Variants in CCDC171 observed in about 807,000 individuals in gnomAD.
CCDC171 encodes the protein coiled-coil domain-containing protein 171.
CCDC171 carries 177 observed loss-of-function variants against 168.2 expected under a neutral mutation model. The observed-to-expected ratio is 1.05, with a 90% CI of 0.93 to 1.19. The LOEUF (loss-of-function observed/expected upper bound fraction) is 1.19. Ranked by LOEUF, CCDC171 falls within the 50% of genes most tolerant of loss-of-function variation. CCDC171 has a pLI of 0.00. For missense variants in CCDC171, 1,991 were observed against 1,539.0 expected, an observed-to-expected ratio of 1.29 and a Z score of -4.91; for synonymous variants, 687 against 540.8, an observed-to-expected ratio of 1.27 and a Z score of -3.75.
At chr9:16,090,702 T>G in the CCDC171 span, among the ~76,000 whole-genome samples, 1 of 152,340 alleles carries the variant, frequency 6.6e-6, no homozygotes, top group Non-Finnish European at 1.5e-5. Flanking sequence ...TAAAAATTAG[T>G]CATTCCAGTT....
intron 6 of CCDC171, among the ~76,000 whole-genome samples, chr9:16,026,674 G>T (rs2133033963): frequency 6.6e-6 from 1 of 152,312 alleles, no homozygotes; most frequent in South Asian, 2.1e-4. Context: ...TCCAGAGGCA[G>T]GAGATTAGAC....
chr9:15,954,751 A>G (rs1829611350), intron 25 of CCDC171, among the ~76,000 whole-genome samples: 1 of 151,074 alleles, frequency 6.6e-6, no homozygotes, highest in African/African-American at 2.4e-5. Flanking sequence ...TCAGCTCCAG[A>G]ATTTCTTTTT....
At position 15,823,886 on chromosome 9, in the gene CCDC171, C is replaced by G. The variant is rs1308546563; in HGVS notation, c.3268-22816C>G. On this transcript the variant is annotated intron_variant, in intron 21 of 25. Transcript: ENST00000380701. ...CATGACAGAGAAAAAAATTATTTGT[C>G]TTTTAACAAAATCATTTTTAGGTAA... Among the ~76,000 whole-genome samples the G allele has an allele frequency of 3.3e-5, 5 of 151,992 alleles. No individual in the cohort carries two copies. The East Asian group carries it at 5.8e-4, about 18-fold the overall frequency.
At chr9:15,649,835 G>A (rs1468035827) in intron 7 of CCDC171, among the ~76,000 whole-genome samples, 1 of 152,256 alleles carries the variant, frequency 6.6e-6, no homozygotes, top group Non-Finnish European at 1.5e-5. Flanking sequence ...GTGGAAGACA[G>A]TGTGGCAATT....
intron 21 of CCDC171, among the ~76,000 whole-genome samples, chr9:15,809,146 T>G (rs1193605042): frequency 6.6e-6 from 1 of 152,178 alleles, no homozygotes; most frequent in African/African-American, 2.4e-5. Flanking sequence ...TTTGGGAACA[T>G]AAAACATTCA....
At chr9:15,631,382 TAGTATAAACACCTCTAC>T (rs1176320142) in intron 7 of CCDC171, among the ~76,000 whole-genome samples, 1 of 152,138 alleles carries the variant, frequency 6.6e-6, no homozygotes. Flanking sequence ...CATCAGAGAA[TAGTATAAACACCTCTAC>T]GCAAATAAAC....
intron 21 of CCDC171, among the ~76,000 whole-genome samples, chr9:15,821,617 A>T (rs1296277754): frequency 8.6e-6 from 1 of 116,950 alleles, no homozygotes; most frequent in East Asian, 2.1e-4. Flanking sequence ...CTAGGAATCC[A>T]ACTTACAAGG....
intron 6 of CCDC171, among the ~76,000 whole-genome samples, chr9:15,604,959 C>A (rs1476234505): frequency 6.6e-6 from 1 of 151,736 alleles, no homozygotes; most frequent in African/African-American, 2.4e-5. Context: ...ACTCTGTTGC[C>A]CATGTTGGAG....
intron 18 of CCDC171, among the ~76,000 whole-genome samples, chr9:15,759,365 A>G (rs2056321201): frequency 6.6e-6 from 1 of 152,096 alleles, no homozygotes; most frequent in South Asian, 2.1e-4. Flanking sequence ...TTTAGTGTGT[A>G]TTTCACAGTT....
At chr9:16,017,559 T>A (rs1024207894) in intron 3 of CCDC171, among the ~76,000 whole-genome samples, 1 of 152,178 alleles carries the variant, frequency 6.6e-6, no homozygotes, top group Non-Finnish European at 1.5e-5. Context: ...CTTTCAAAGT[T>A]CTTAATTCTT....
intron 24 of CCDC171, among the ~76,000 whole-genome samples, chr9:15,917,736 G>C (rs3008685): frequency 6.6e-6 from 1 of 151,382 alleles, no homozygotes; most frequent in Non-Finnish European, 1.5e-5. Flanking sequence ...TTTAAAATGT[G>C]GAACTTTTAA....
the CCDC171 span, among the ~76,000 whole-genome samples, chr9:16,075,820 G>A: frequency 6.6e-6 from 1 of 152,154 alleles, no homozygotes; most frequent in Admixed American, 6.5e-5. Flanking sequence ...TCAATTTAGT[G>A]AGTCAGCCAG....
At chr9:15,953,368 G>T (rs962885972) in intron 25 of CCDC171, among the ~76,000 whole-genome samples, 1 of 152,114 alleles carries the variant, frequency 6.6e-6, no homozygotes, top group Non-Finnish European at 1.5e-5. Context: ...TTCCTAGTTT[G>T]TTGAGAGTTT....
intron 11 of CCDC171, among the ~76,000 whole-genome samples, chr9:15,720,006 T>G (rs2053369257): frequency 6.6e-6 from 1 of 152,066 alleles, no homozygotes; most frequent in South Asian, 2.1e-4. Flanking sequence ...TTATCATGGC[T>G]CAGAAGAGTG....
upstream of CCDC171, among the ~76,000 whole-genome samples, chr9:16,039,198 T>G (rs1833530819): frequency 6.6e-6 from 1 of 152,198 alleles, no homozygotes; most frequent in African/African-American, 2.4e-5. Flanking sequence ...AGGCAAATTT[T>G]CCGTAGTAAA....
intron 18 of CCDC171, among the ~76,000 whole-genome samples, chr9:15,759,794 A>G (rs973487944): frequency 6.6e-6 from 1 of 152,150 alleles, no homozygotes; most frequent in African/African-American, 2.4e-5. Flanking sequence ...GGGTTTTTCC[A>G]TTTCTATTAA....
At chr9:15,799,245 T>G (rs1292868892) in intron 21 of CCDC171, among the ~76,000 whole-genome samples, 1 of 148,828 alleles carries the variant, frequency 6.7e-6, no homozygotes, top group East Asian at 2.0e-4. Context: ...GGAACTCCCT[T>G]TAACATTTCT....
At position 15,965,942 on chromosome 9, in the gene CCDC171, A is replaced by G. The variant is rs116854325; in HGVS notation, c.3754-5667A>G. ...GCGACATAATCTGTATATGTGTGAA[A>G]TAACAAAATAACAATAAAACACCAA... On this transcript the variant is annotated intron_variant, in intron 25 of 25. Transcript: ENST00000380701. Among the ~76,000 whole-genome samples the G allele has an allele frequency of 3.2e-3, 488 of 152,346 alleles. 2 individuals are homozygous for G. Among genetic ancestry groups the G allele is most frequent in the Non-Finnish European group, 5.8e-3 (397 of 68,038 alleles).
chr9:15,678,593 T>C (rs982521038), intron 9 of CCDC171, among the ~76,000 whole-genome samples, 165 bp from the exon 10 acceptor site: 1 of 152,186 alleles, frequency 6.6e-6, no homozygotes, highest in Non-Finnish European at 1.5e-5. Flanking sequence ...AAGTTTTTCA[T>C]TTAAGAATAT....
Sources: gnomAD v4.1 joint callset for allele counts (sites outside exome capture counted in the v4.1 genomes callset) on GRCh38, gnomAD v4.1.1 for gene constraint, MANE v1.5 for transcripts, NCBI Gene and HGNC (gene_info 2026-07-23, HGNC 2026-07-21) for gene names.